CMSS1: variants seen among roughly 807,000 people sequenced by gnomAD.
The protein encoded by CMSS1 is cms1 ribosomal small subunit homolog.
A neutral mutation model predicts 43.5 loss-of-function variants in CMSS1; 33 were observed. The observed-to-expected ratio is 0.76, with a 90% CI of 0.57 to 1.01. The LOEUF (loss-of-function observed/expected upper bound fraction) is 1.01, where lower values mean the gene tolerates loss of function less well. CMSS1 is among the 50% of genes least tolerant of loss of function. The pLI is 0.00. For missense variants in CMSS1, 313 were observed against 326.4 expected, an observed-to-expected ratio of 0.96 and a Z score of 0.32; for synonymous variants, 115 against 117.2, an observed-to-expected ratio of 0.98 and a Z score of 0.12.
At position 100,074,675 on chromosome 3, in the gene CMSS1, A is replaced by ATTTT. The variant is rs555819875; in HGVS notation, c.65-72265_65-72262dup. 2.0e-4 allele frequency among the ~76,000 whole-genome samples: 7 copies of ATTTT among 34,782 alleles called. 1 individual carries two copies. The highest frequency in any genetic ancestry group is 5.9e-4 in the African/African-American group (5 of 8,444). The allele number at this position is 34,782 out of a possible 152,430, so 22.8% of individuals were successfully genotyped here. ...ATTTTCTATGCATGTGCAACATTTG[A>ATTTT]TTTTTTTTTTTTTTTTTTTTTTTTT... is the stretch of plus-strand genomic sequence containing the variant. On this transcript the variant is annotated intron_variant, in intron 1 of 9. Transcript: ENST00000421999.
intron 1 of CMSS1, among the ~76,000 whole-genome samples, chr3:100,038,957 G>A (rs538826291): frequency 2.2e-4 from 34 of 152,180 alleles, no homozygotes; most frequent in South Asian, 8.3e-4. Flanking sequence ...TGTATAAAAC[G>A]TCTTTGAAAA....
intron 4 of CMSS1, among the ~76,000 whole-genome samples, chr3:100,164,952 G>A (rs2067054269): frequency 6.6e-6 from 1 of 152,122 alleles, no homozygotes; most frequent in African/African-American, 2.4e-5. Context: ...TTTCAAGGTT[G>A]GAGTCACCCG....
intron 1 of CMSS1, among the ~76,000 whole-genome samples, chr3:100,070,858 T>C (rs1341025514): frequency 6.6e-6 from 1 of 152,192 alleles, no homozygotes; most frequent in Non-Finnish European, 1.5e-5. Flanking sequence ...CACGAACTCC[T>C]GACTTCAGGC....
chr3:99,898,245 A>C (rs1008942582), intron 1 of CMSS1: 3 of 152,154 alleles, frequency 2.0e-5, no homozygotes, highest in Admixed American at 2.0e-4. Flanking sequence ...AGGTAGCATT[A>C]TTTTTAGAGC....
chr3:99,925,872 T>C, intron 1 of CMSS1: 1 of 985,446 alleles, frequency 1.0e-6, no homozygotes, highest in Non-Finnish European at 1.2e-6. Flanking sequence ...GTTTATCAGC[T>C]CCTGGCCTTG....
chr3:100,049,990 A>G (rs1385503149), intron 1 of CMSS1, among the ~76,000 whole-genome samples: 1 of 152,164 alleles, frequency 6.6e-6, no homozygotes, highest in African/African-American at 2.4e-5. Context: ...AGGACCATAT[A>G]CTGTGTGGTT....
intron 1 of CMSS1, among the ~76,000 whole-genome samples, chr3:100,025,025 A>G (rs560317045): frequency 6.6e-6 from 1 of 152,270 alleles, no homozygotes; most frequent in Non-Finnish European, 1.5e-5. Flanking sequence ...TACTTTACCC[A>G]TAGTTTTTGT....
At chr3:99,882,488 G>T (rs1346358602) in intron 1 of CMSS1, among the ~76,000 whole-genome samples, 1 of 152,186 alleles carries the variant, frequency 6.6e-6, no homozygotes, top group African/African-American at 2.4e-5. Context: ...GGTGTGCTTA[G>T]AGTTTTATTA....
chr3:100,141,641 T>C (rs1014590560), intron 1 of CMSS1: 1 of 447,956 alleles, frequency 2.2e-6, no homozygotes, highest in East Asian at 7.0e-5. Context: ...AAGGTAGGGA[T>C]TGAGGTAAAG....
intron 1 of CMSS1, among the ~76,000 whole-genome samples, chr3:100,138,681 A>G (rs1005808945): frequency 6.6e-6 from 1 of 152,252 alleles, no homozygotes; most frequent in African/African-American, 2.4e-5. Flanking sequence ...TTAAAAAGTC[A>G]AGAAACAATA....
intron 2 of CMSS1, among the ~76,000 whole-genome samples, chr3:100,156,808 G>C (rs896111170): frequency 6.6e-6 from 1 of 151,786 alleles, no homozygotes; most frequent in South Asian, 2.1e-4. Flanking sequence ...GTAGAGATGG[G>C]GTTTCACCAT....
chr3:99,861,005 T>A (rs1944223241), intron 1 of CMSS1, among the ~76,000 whole-genome samples: 2 of 152,204 alleles, frequency 1.3e-5, no homozygotes, highest in Admixed American at 1.3e-4. Flanking sequence ...AAAAAGTTAA[T>A]TACTGTGAAT....
At chr3:99,872,070 C>G (rs1944817362) in intron 1 of CMSS1, among the ~76,000 whole-genome samples, 1 of 152,056 alleles carries the variant, frequency 6.6e-6, no homozygotes, top group African/African-American at 2.4e-5. Flanking sequence ...TCCTCTCTTC[C>G]TAGCACTAAT....
At chr3:100,034,309 A>T (rs1362702052) in intron 1 of CMSS1, among the ~76,000 whole-genome samples, 1 of 152,150 alleles carries the variant, frequency 6.6e-6, no homozygotes, top group East Asian at 1.9e-4. Context: ...GTCTGGAGAA[A>T]ATGTACACTC....
At chr3:99,887,337 C>A (rs1464365306) in intron 1 of CMSS1, among the ~76,000 whole-genome samples, 1 of 151,802 alleles carries the variant, frequency 6.6e-6, no homozygotes, top group East Asian at 1.9e-4. Context: ...TTCATCTGGA[C>A]CTTGAAGGGT....
chr3:100,150,836 C>G (rs753810622), intron 2 of CMSS1, among the ~76,000 whole-genome samples: 1 of 152,198 alleles, frequency 6.6e-6, no homozygotes, highest in Non-Finnish European at 1.5e-5. Context: ...GCCCTAGTGA[C>G]TTTGTAATTA....
At chr3:100,056,644 CAATA>C (rs2065468102) in intron 1 of CMSS1, among the ~76,000 whole-genome samples, 1 of 151,312 alleles carries the variant, frequency 6.6e-6, no homozygotes, top group Non-Finnish European at 1.5e-5. Context: ...CAGCTGGAAA[CAATA>C]AATGTCTTAT....
At chr3:99,843,082 CT>C (rs1943205338) in intron 1 of CMSS1, among the ~76,000 whole-genome samples, 1 of 152,178 alleles carries the variant, frequency 6.6e-6, no homozygotes, top group East Asian at 1.9e-4. Context: ...GTTTGAGAAC[CT>C]TAGTAAACTA....
chr3:100,089,108 A>C (rs1163955882), intron 1 of CMSS1, among the ~76,000 whole-genome samples: 1 of 152,154 alleles, frequency 6.6e-6, no homozygotes, highest in African/African-American at 2.4e-5. Context: ...CCTACCAGTA[A>C]AGTATCCAAG....
Sources: allele counts gnomAD v4.1 joint callset (sites outside exome capture counted in the v4.1 genomes callset), GRCh38; gene constraint gnomAD v4.1.1; transcripts MANE v1.5; gene names NCBI Gene and HGNC (gene_info 2026-07-23, HGNC 2026-07-21).